SEC24B: variants seen among roughly 807,000 people sequenced by gnomAD.
SEC24B encodes the protein SEC24 homolog B, COPII component, also known as protein transport protein Sec24B.
In SEC24B, 45 loss-of-function variants were observed where a neutral mutation model predicts 142.8. The ratio of observed to expected loss-of-function variants is 0.32; its 90% CI spans 0.25 to 0.40. The LOEUF (loss-of-function observed/expected upper bound fraction) is 0.40, where lower values mean the gene tolerates loss of function less well. Ranked by LOEUF, SEC24B falls within the 10% of genes least tolerant of loss-of-function variation. The probability of loss-of-function intolerance (pLI) is 1.00; values close to 1 mark genes in which losing one functional copy is unlikely to be tolerated. For synonymous variants in SEC24B, 574 were observed against 568.2 expected (o/e 1.01, Z -0.15); for missense variants, 1,409 against 1,526.8 (o/e 0.92, Z 1.29).
At chr4:109,539,237 CAGGCGTG>C (rs1316903534) in intron 23 of SEC24B, among the ~76,000 whole-genome samples, 1 of 151,938 alleles carries the variant, frequency 6.6e-6, no homozygotes, top group Non-Finnish European at 1.5e-5. Flanking sequence ...GCTGGGATTA[CAGGCGTG>C]AGCCACCACG....
chr4:109,499,059 A>G (rs1268810372), intron 6 of SEC24B, among the ~76,000 whole-genome samples: 1 of 152,200 alleles, frequency 6.6e-6, no homozygotes, highest in Non-Finnish European at 1.5e-5. Flanking sequence ...GATAAACAAA[A>G]GGGAAAATAC....
chr4:109,485,658 T>G (rs1387737546), intron 4 of SEC24B, among the ~76,000 whole-genome samples: 1 of 152,238 alleles, frequency 6.6e-6, no homozygotes. Context: ...GGGAAGAAAG[T>G]CTAGCTTTAA....
chr4:109,461,196 T>G (rs1284172106), intron 1 of SEC24B, among the ~76,000 whole-genome samples: 1 of 152,208 alleles, frequency 6.6e-6, no homozygotes, highest in Non-Finnish European at 1.5e-5. Flanking sequence ...TACTGTAAAC[T>G]AAAGTGTTTC....
intron 6 of SEC24B, among the ~76,000 whole-genome samples, chr4:109,498,187 A>G (rs1015632953): frequency 2.0e-5 from 3 of 152,128 alleles, no homozygotes; most frequent in Non-Finnish European, 4.4e-5. Context: ...ACAAGCAGCT[A>G]TTTTTGTCTG....
chr4:109,444,043 T>C (rs778135217), intron 1 of SEC24B, among the ~76,000 whole-genome samples: 3 of 151,670 alleles, frequency 2.0e-5, no homozygotes, highest in Non-Finnish European at 2.9e-5. Flanking sequence ...GCCAACGTGG[T>C]AAAAACCCAT....
chr4:109,468,990 A>G, intron 2 of SEC24B, among the ~76,000 whole-genome samples: 1 of 152,186 alleles, frequency 6.6e-6, no homozygotes, highest in Admixed American at 6.5e-5. Context: ...ACAGGGAACT[A>G]AGGAGCTACT....
chr4:109,505,328 T>C (rs1736565839), intron 6 of SEC24B, among the ~76,000 whole-genome samples: 1 of 152,092 alleles, frequency 6.6e-6, no homozygotes, highest in African/African-American at 2.4e-5. Flanking sequence ...CTCAGTGGGA[T>C]ATAACGTAAG....
intron 1 of SEC24B, among the ~76,000 whole-genome samples, chr4:109,450,252 C>T (rs779843124): frequency 5.3e-5 from 8 of 152,092 alleles, no homozygotes; most frequent in Non-Finnish European, 1.0e-4. Context: ...ACTCTACCTG[C>T]TGCAGTGAGG....
In SEC24B at chr4:109,539,855, A is replaced by G. The variant is rs1160169829; in HGVS notation, c.*180A>G. ...GAAAGAACTTGACAGATCTTTTTCA[A>G]CTCAAATTAATGGTAACGATGATGC... On this transcript the variant is annotated 3_prime_UTR_variant, in exon 24 of 24. Coordinates refer to ENST00000265175, the MANE Select transcript of SEC24B (RefSeq NM_006323.5). 1 of 575,090 alleles carries G rather than the reference A, an allele frequency of 1.7e-6. No individual in the cohort carries two copies. Among genetic ancestry groups the G allele is most frequent in the African/African-American group, 1.9e-5 (1 of 53,110 alleles). The allele number at this position is 575,090 out of a possible 1,614,324, so 35.6% of individuals were successfully genotyped here. A position where few individuals can be genotyped will look rare whatever the true frequency, so the allele number is the denominator to read the frequency against.
At chr4:109,451,033 G>A (rs907541296) in intron 1 of SEC24B, 2 of 152,074 alleles carry the variant, frequency 1.3e-5, no homozygotes, top group African/African-American at 4.8e-5. Context: ...AGCCTTCCCA[G>A]TAGCTGGGAT....
At chr4:109,441,759 C>T (rs367769804) in intron 1 of SEC24B, among the ~76,000 whole-genome samples, 1 of 152,118 alleles carries the variant, frequency 6.6e-6, no homozygotes, top group Non-Finnish European at 1.5e-5. Flanking sequence ...GTCGTGGTAT[C>T]CAAGAAGGAT....
chr4:109,449,639 C>A (rs1729855057), intron 1 of SEC24B: 1 of 395,876 alleles, frequency 2.5e-6, no homozygotes, highest in African/African-American at 2.1e-5. Context: ...CTCACATGGC[C>A]TTTTCTTGGT....
intron 2 of SEC24B, among the ~76,000 whole-genome samples, chr4:109,471,939 A>G (rs569605941): frequency 6.6e-6 from 1 of 152,192 alleles, no homozygotes; most frequent in Non-Finnish European, 1.5e-5. Flanking sequence ...CTCCATATTG[A>G]TGAAAGGAAC....
chr4:109,501,105 A>G (rs971656784), intron 6 of SEC24B, among the ~76,000 whole-genome samples: 3 of 152,182 alleles, frequency 2.0e-5, no homozygotes, highest in Admixed American at 1.3e-4. Flanking sequence ...AGCTCCATTC[A>G]TACTAGGTGT....
chr4:109,526,509 A>C (rs1201831966), intron 17 of SEC24B, 110 bp downstream of exon 17: 2 of 711,564 alleles, frequency 2.8e-6, no homozygotes, highest in Non-Finnish European at 4.4e-6. Flanking sequence ...GAAGTAATGG[A>C]ATTTGTATTA....
chr4:109,455,310 T>TG (rs1730551837), intron 1 of SEC24B, among the ~76,000 whole-genome samples: 1 of 152,016 alleles, frequency 6.6e-6, no homozygotes, highest in Admixed American at 6.6e-5. Flanking sequence ...TGTGTGGTGG[T>TG]GCGATCTTGG....
chr4:109,478,285 T>TAA (rs10616592), intron 3 of SEC24B, among the ~76,000 whole-genome samples: 7 of 142,098 alleles, frequency 4.9e-5, no homozygotes, highest in South Asian at 2.2e-4. Flanking sequence ...GACTCTGTCT[T>TAA]AAAAAAAAAA....
At chr4:109,487,264 T>G (rs1387497868) in intron 4 of SEC24B, among the ~76,000 whole-genome samples, 1 of 151,916 alleles carries the variant, frequency 6.6e-6, no homozygotes, top group Non-Finnish European at 1.5e-5. Flanking sequence ...ACAGGAAAAG[T>G]TTGACAAAGG....
At chr4:109,523,671 T>C (rs893273212) in intron 14 of SEC24B, among the ~76,000 whole-genome samples, 7 of 152,194 alleles carry the variant, frequency 4.6e-5, no homozygotes, top group South Asian at 2.1e-4. Flanking sequence ...TAAGTAGTTA[T>C]GAGTATGAAT....
Sources: gnomAD v4.1 joint callset for allele counts (sites outside exome capture counted in the v4.1 genomes callset) on GRCh38, gnomAD v4.1.1 for gene constraint, MANE v1.5 for transcripts, NCBI Gene and HGNC (gene_info 2026-07-23, HGNC 2026-07-21) for gene names.